The following PTPRM variants were observed in gnomAD, a reference collection of about 807,000 sequenced individuals.
The protein encoded by PTPRM is protein tyrosine phosphatase receptor type M, also known as receptor-type tyrosine-protein phosphatase mu.
PTPRM carries 47 observed loss-of-function variants against 186.7 expected under a neutral mutation model. The observed-to-expected ratio is 0.25, with a 90% CI of 0.20 to 0.32. PTPRM has a LOEUF of 0.32. Among genes scored for constraint, PTPRM ranks in the 10% least tolerant of loss-of-function variants. The pLI, the probability that PTPRM is intolerant of heterozygous loss-of-function variation, is 1.00. For missense variants in PTPRM, 1,494 were observed against 1,865.0 expected (o/e 0.80, Z 3.66); for synonymous variants, 668 against 674.9 (o/e 0.99, Z 0.16).
At chr18:7,957,037 T>G (rs1288276251) in intron 7 of PTPRM, among the ~76,000 whole-genome samples, 2 of 152,208 alleles carry the variant, frequency 1.3e-5, no homozygotes, top group East Asian at 1.9e-4. Flanking sequence ...ATTCCTGTTT[T>G]GGGCATGGCA....
At chr18:7,607,924 G>C (rs771166477) in intron 1 of PTPRM, among the ~76,000 whole-genome samples, 1 of 152,192 alleles carries the variant, frequency 6.6e-6, no homozygotes, top group Non-Finnish European at 1.5e-5. Context: ...TGAGGCAGTA[G>C]CCAGCTTATT....
chr18:7,779,944 G>A (rs2042775352), intron 2 of PTPRM, among the ~76,000 whole-genome samples: 1 of 152,096 alleles, frequency 6.6e-6, no homozygotes, highest in Non-Finnish European at 1.5e-5. Flanking sequence ...ATGGGCTTAC[G>A]ATTATATGCT....
chr18:8,088,988 A>G, intron 11 of PTPRM, 137 bp downstream of exon 11: 1 of 638,744 alleles, frequency 1.6e-6, no homozygotes, highest in Non-Finnish European at 2.7e-6. Context: ...AGCTCTAATT[A>G]AAAGTAATGA....
At chr18:7,959,690 C>T (rs1189009822) in intron 7 of PTPRM, among the ~76,000 whole-genome samples, 1 of 152,222 alleles carries the variant, frequency 6.6e-6, no homozygotes, top group Admixed American at 6.5e-5. Context: ...GATTCCACAT[C>T]TTCATCTCTA....
At chr18:7,991,326 C>T (rs550401865) in intron 7 of PTPRM, among the ~76,000 whole-genome samples, 3 of 151,906 alleles carry the variant, frequency 2.0e-5, no homozygotes, top group South Asian at 2.1e-4. Flanking sequence ...AGTGACCTTA[C>T]CAGTAATGTC....
In PTPRM at chr18:7,587,547, C is replaced by G. The variant is rs1278547123; in HGVS notation, c.73+19656C>G. ...AGGATTTGTTGCCCAGTTATGCACC[C>G]TCTCATTTGCTGGGAAGTAGACCAA... On this transcript the variant is annotated intron_variant, in intron 1 of 32. Transcript: ENST00000580170. Among the ~76,000 whole-genome samples, 6 of 152,152 alleles carry G rather than the reference C, an allele frequency of 3.9e-5. No individual in the cohort carries two copies. The East Asian group carries it at 1.2e-3, about 29-fold the overall frequency.
intron 20 of PTPRM, among the ~76,000 whole-genome samples, chr18:8,302,848 A>C (rs1164186380): frequency 6.6e-6 from 1 of 152,006 alleles, no homozygotes; most frequent in Non-Finnish European, 1.5e-5. Flanking sequence ...GAAGGGAACC[A>C]GCTGTGGAGA....
intron 2 of PTPRM, among the ~76,000 whole-genome samples, chr18:7,803,857 C>T (rs1030959971): frequency 2.0e-5 from 3 of 151,992 alleles, no homozygotes; most frequent in African/African-American, 7.3e-5. Context: ...AGCTAATTAA[C>T]TTAGAATTAT....
intron 14 of PTPRM, among the ~76,000 whole-genome samples, chr18:8,173,312 G>C (rs1481253868): frequency 6.6e-6 from 1 of 152,312 alleles, no homozygotes; most frequent in East Asian, 1.9e-4. Context: ...TATATATGCT[G>C]TTGGAACAAG....
chr18:7,577,876 C>T (rs771876254), intron 1 of PTPRM, among the ~76,000 whole-genome samples: 5 of 152,140 alleles, frequency 3.3e-5, no homozygotes, highest in Admixed American at 6.5e-5. Flanking sequence ...TCTAATCTTG[C>T]TCAGTAGGCA....
At chr18:8,164,603 G>A (rs1353360060) in intron 14 of PTPRM, among the ~76,000 whole-genome samples, 1 of 152,164 alleles carries the variant, frequency 6.6e-6, no homozygotes, top group Non-Finnish European at 1.5e-5. Context: ...GTCACAGGAA[G>A]ACAAATACTG....
At chr18:8,135,718 CT>C (rs2092622404) in intron 13 of PTPRM, among the ~76,000 whole-genome samples, 1 of 152,134 alleles carries the variant, frequency 6.6e-6, no homozygotes, top group Non-Finnish European at 1.5e-5. Flanking sequence ...CCACTCTCTC[CT>C]AAGACCGTGT....
intron 14 of PTPRM, among the ~76,000 whole-genome samples, chr18:8,169,753 T>C (rs147928412): frequency 6.6e-6 from 1 of 152,278 alleles, no homozygotes; most frequent in Non-Finnish European, 1.5e-5. Flanking sequence ...GCATATATAT[T>C]CATATATGCT....
At chr18:8,343,093 T>C (rs1386547109) in intron 22 of PTPRM, among the ~76,000 whole-genome samples, 3 of 151,742 alleles carry the variant, frequency 2.0e-5, no homozygotes, top group Non-Finnish European at 4.4e-5. Flanking sequence ...TATCTATTTT[T>C]TAAAATTTCA....
intron 1 of PTPRM, among the ~76,000 whole-genome samples, chr18:7,740,487 T>C (rs1026380262): frequency 1.2e-4 from 19 of 152,160 alleles, no homozygotes; most frequent in African/African-American, 4.6e-4. Flanking sequence ...GGTCTGATTA[T>C]AGGTCACTGC....
chr18:8,030,990 A>T (rs1015464569), intron 7 of PTPRM, among the ~76,000 whole-genome samples: 1 of 152,134 alleles, frequency 6.6e-6, no homozygotes, highest in South Asian at 2.1e-4. Context: ...TATACTTTGG[A>T]TCTTTTTCTC....
Position 7,979,843 on chromosome 18 carries a change from G to T in PTPRM, c.1132+24429G>T, listed in dbSNP as rs192898521. Among the ~76,000 whole-genome samples the T allele has an allele frequency of 7.9e-5, 12 of 152,272 alleles. No individual in the cohort carries two copies. The East Asian group carries it at 2.3e-3, about 29-fold the overall frequency. On this transcript the variant is annotated intron_variant, in intron 7 of 32. Transcript: ENST00000580170. ...GCTGCACTGGCATTTCCAGTGAAGT[G>T]ACTTGGGACACACTTCCTCTTTCTG...
intron 7 of PTPRM, among the ~76,000 whole-genome samples, chr18:8,029,412 C>T (rs1315687390): frequency 1.3e-5 from 2 of 151,282 alleles, no homozygotes; most frequent in Non-Finnish European, 3.0e-5. Flanking sequence ...CCCTCCCCCA[C>T]CTGTCCTACC....
At chr18:7,605,419 T>TCCCCC (rs10654388) in intron 1 of PTPRM, among the ~76,000 whole-genome samples, 11 of 149,762 alleles carry the variant, frequency 7.3e-5, no homozygotes, top group African/African-American at 2.5e-4. Flanking sequence ...AGCAAAAATG[T>TCCCCC]CCCCCCCCCA....
Sources: allele counts gnomAD v4.1 joint callset (sites outside exome capture counted in the v4.1 genomes callset), GRCh38; gene constraint gnomAD v4.1.1; transcripts MANE v1.5; gene names NCBI Gene and HGNC (gene_info 2026-07-23, HGNC 2026-07-21).